Variants in WWOX observed in about 807,000 individuals in gnomAD.
The protein encoded by WWOX is WW domain-containing oxidoreductase.
Under a neutral mutation model 46.2 loss-of-function variants are expected in WWOX, and 69 were observed. The ratio of observed to expected loss-of-function variants is 1.49; its 90% CI spans 1.23 to 1.82. WWOX has a LOEUF of 1.82. WWOX is among the 40% of genes most tolerant of loss of function. WWOX has a pLI of 0.00. For missense variants in WWOX, 919 were observed against 542.6 expected (o/e 1.69, Z -6.89); for synonymous variants, 359 against 202.6 (o/e 1.77, Z -6.56).
chr16:78,828,310 G>A (rs1450302456), intron 8 of WWOX, among the ~76,000 whole-genome samples: 3 of 152,110 alleles, frequency 2.0e-5, no homozygotes, highest in South Asian at 2.1e-4. Context: ...TAATCCAGGG[G>A]CCAGGCAAAA....
chr16:78,302,654 C>T (rs1027123519), intron 5 of WWOX, among the ~76,000 whole-genome samples: 1 of 152,162 alleles, frequency 6.6e-6, no homozygotes, highest in African/African-American at 2.4e-5. Context: ...GAGTAGAGGG[C>T]ATGTGGTCTC....
rs988140763 is a variant in WWOX, at chr16:78,503,333, C to A, written c.1056+70581C>A. The stretch of plus-strand genomic sequence containing the variant: ...AGACCCTCAGGTCTACCTATAAGTA[C>A]CTTCCAACTGTTCCACTTTTGTAAA... On this transcript the variant is annotated intron_variant, in intron 8 of 8. Coordinates refer to ENST00000566780, the MANE Select transcript of WWOX (RefSeq NM_016373.4). Among the ~76,000 whole-genome samples the A allele has an allele frequency of 2.6e-5, 4 of 152,216 alleles. No individual in the cohort carries two copies. In the South Asian group the frequency reaches 8.3e-4, roughly 32 times the overall value.
intron 8 of WWOX, among the ~76,000 whole-genome samples, chr16:78,600,327 C>G (rs1005378275): frequency 2.6e-5 from 4 of 151,992 alleles, no homozygotes; most frequent in African/African-American, 9.7e-5. Flanking sequence ...GAGAAACAGA[C>G]CAAGTAGAGA....
intron 8 of WWOX, among the ~76,000 whole-genome samples, chr16:78,556,805 C>T (rs956872060): frequency 3.9e-5 from 6 of 151,948 alleles, no homozygotes; most frequent in African/African-American, 7.3e-5. Flanking sequence ...AAACTACCCC[C>T]GCCCCCGGGT....
At chr16:78,732,230 A>G (rs1008611698) in intron 8 of WWOX, among the ~76,000 whole-genome samples, 25 of 152,074 alleles carry the variant, frequency 1.6e-4, no homozygotes, top group African/African-American at 6.0e-4. Flanking sequence ...GTGACGCTGC[A>G]GACTCTTGAA....
At chr16:78,407,373 C>T (rs1189683828) in intron 6 of WWOX, among the ~76,000 whole-genome samples, 1 of 152,190 alleles carries the variant, frequency 6.6e-6, no homozygotes, top group Non-Finnish European at 1.5e-5. Context: ...TTTTACATAA[C>T]ATTCCACTCA....
At chr16:78,779,436 C>A (rs1328231831) in intron 8 of WWOX, among the ~76,000 whole-genome samples, 1 of 152,148 alleles carries the variant, frequency 6.6e-6, no homozygotes, top group African/African-American at 2.4e-5. Flanking sequence ...GTGTCCGGCC[C>A]CCCTTTCTTC....
At chr16:78,770,559 G>C (rs12716860) in intron 8 of WWOX, among the ~76,000 whole-genome samples, 122,346 of 152,012 alleles carry the variant, frequency 0.8, 50,019 homozygotes, top group Middle Eastern at 0.93. Flanking sequence ...CTGGGAAACC[G>C]CTCTCTGTGG....
rs999001505 is a variant in WWOX, at chr16:79,084,848, A to G, written c.1057-126760A>G. Among the ~76,000 whole-genome samples the G allele has an allele frequency of 3.3e-5, 5 of 152,268 alleles. 1 individual carries two copies. The highest frequency in any genetic ancestry group is 2.6e-4 in the Admixed American group (4 of 15,290). On this transcript the variant is annotated intron_variant, in intron 8 of 8. Transcript: ENST00000566780. ...GGACATGTATTCATTTACTGATTCA[A>G]CCTTTCATTTGTACATATATGTATA...
At chr16:78,801,661 T>C (rs913032650) in intron 8 of WWOX, among the ~76,000 whole-genome samples, 2 of 152,198 alleles carry the variant, frequency 1.3e-5, no homozygotes, top group African/African-American at 4.8e-5. Flanking sequence ...AATGAAGTTA[T>C]CCACAGAGTT....
intron 8 of WWOX, among the ~76,000 whole-genome samples, chr16:78,622,035 C>G (rs1302056264): frequency 1.3e-5 from 2 of 152,102 alleles, no homozygotes; most frequent in Admixed American, 1.3e-4. Flanking sequence ...TTTTGGCTAC[C>G]CAGTTGTTAG....
chr16:78,950,905 C>T (rs914378298), intron 8 of WWOX, among the ~76,000 whole-genome samples: 6 of 152,096 alleles, frequency 3.9e-5, no homozygotes, highest in African/African-American at 7.2e-5. Flanking sequence ...TAGCTGAAGG[C>T]CCAAGGATAA....
rs1285058303 is a variant in WWOX at position 78,126,457 on chromosome 16, T to C, written c.409+11303T>C. ...CTGATGATTAGCAAGATTGATAGGC[T>C]TTTCTTATGTCGGGCCATTTGTTTT... On this transcript the variant is annotated intron_variant, in intron 4 of 8. Coordinates refer to ENST00000566780, the MANE Select transcript of WWOX (RefSeq NM_016373.4). Among the ~76,000 whole-genome samples, 46 of 152,216 alleles carry C rather than the reference T, an allele frequency of 3.0e-4. 2 individuals are homozygous for C. The highest frequency in any genetic ancestry group is 3.0e-3 in the Admixed American group (46 of 15,286).
intron 8 of WWOX, among the ~76,000 whole-genome samples, chr16:78,963,681 C>G (rs115275642): frequency 0.035 from 5,393 of 152,248 alleles, 341 homozygotes; most frequent in African/African-American, 0.12. Flanking sequence ...TGAGTATGGA[C>G]TTTCTGCCAG....
chr16:78,880,512 C>T (rs537349605), intron 8 of WWOX, among the ~76,000 whole-genome samples: 68 of 152,290 alleles, frequency 4.5e-4, no homozygotes, highest in Non-Finnish European at 8.2e-4. Context: ...CAAGCACTAT[C>T]GGTAATTAAG....
chr16:78,861,986 A>G (rs76078818), intron 8 of WWOX, among the ~76,000 whole-genome samples: 148 of 152,278 alleles, frequency 9.7e-4, no homozygotes, highest in Non-Finnish European at 1.5e-3. Flanking sequence ...GAGAAATTGA[A>G]CTAATACTAT....
intron 8 of WWOX, among the ~76,000 whole-genome samples, chr16:78,556,925 G>C (rs570529318): frequency 1.3e-5 from 2 of 151,866 alleles, no homozygotes; most frequent in African/African-American, 4.8e-5. Context: ...TGCCATATTG[G>C]TCAGGCTGGT....
chr16:79,027,200 A>AGCTG (rs759192117), intron 8 of WWOX, among the ~76,000 whole-genome samples: 1 of 148,638 alleles, frequency 6.7e-6, no homozygotes. Context: ...TAATCAGCTG[A>AGCTG]GCTGGGGAGG....
At chr16:78,357,741 T>C (rs995456168) in intron 5 of WWOX, among the ~76,000 whole-genome samples, 10 of 152,142 alleles carry the variant, frequency 6.6e-5, no homozygotes, top group African/African-American at 2.4e-4. Context: ...GTGCTACATA[T>C]TTATTACCTA....
Sources: allele counts gnomAD v4.1 joint callset (sites outside exome capture counted in the v4.1 genomes callset), GRCh38; gene constraint gnomAD v4.1.1; transcripts MANE v1.5; gene names NCBI Gene and HGNC (gene_info 2026-07-23, HGNC 2026-07-21).